Variants in NSMCE2 observed in about 807,000 individuals in gnomAD.
NSMCE2 encodes the protein NSE2 SUMO ligase component of SMC5/6 complex.
Under a neutral mutation model 23.8 loss-of-function variants are expected in NSMCE2, and 24 were observed. The ratio of observed to expected loss-of-function variants is 1.01; its 90% CI spans 0.73 to 1.42. The LOEUF is 1.42. NSMCE2 is among the 40% of genes most tolerant of loss of function. The pLI is 0.00. For missense variants in NSMCE2, 284 were observed against 296.5 expected (o/e 0.96, Z 0.31); for synonymous variants, 92 against 94.1 (o/e 0.98, Z 0.13).
chr8:125,142,605 T>C (rs1820434657), intron 3 of NSMCE2, among the ~76,000 whole-genome samples: 1 of 151,784 alleles, frequency 6.6e-6, no homozygotes, highest in Non-Finnish European at 1.5e-5. Flanking sequence ...AAAATGTGTA[T>C]TCAGTTTTTT....
chr8:125,176,578 A>G (rs1252557178), intron 4 of NSMCE2, among the ~76,000 whole-genome samples: 1 of 152,178 alleles, frequency 6.6e-6, no homozygotes, highest in Non-Finnish European at 1.5e-5. Context: ...TTGATGAGCT[A>G]TAGACCTGTG....
At position 125,292,553 on chromosome 8, in the gene NSMCE2, C is replaced by CA. The variant is rs374883759; in HGVS notation, c.419-64655dup. ...TGGGCAACAGAGCAAGACTCCATCTCAAAAAAAAAAAGAACCTATGGGAAA... is the reference window on the plus strand; with the variant it reads ...TGGGCAACAGAGCAAGACTCCATCTCAAAAAAAAAAAAGAACCTATGGGAAA... On this transcript the variant is annotated intron_variant, in intron 5 of 7. Coordinates refer to ENST00000287437, the MANE Select transcript of NSMCE2 (RefSeq NM_173685.4). Among the ~76,000 whole-genome samples the CA allele has an allele frequency of 3.0e-3, 401 of 135,520 alleles. 1 individual carries two copies. The highest frequency in any genetic ancestry group is 8.0e-3 in the African/African-American group (294 of 36,752). 88.9% of individuals were successfully genotyped at this position (135,520 alleles called of 152,430 possible).
At chr8:125,165,294 G>T (rs1821819461) in intron 4 of NSMCE2, among the ~76,000 whole-genome samples, 1 of 152,160 alleles carries the variant, frequency 6.6e-6, no homozygotes, top group Non-Finnish European at 1.5e-5. Flanking sequence ...AATATTAATT[G>T]CCTCTTTTCA....
intron 5 of NSMCE2, among the ~76,000 whole-genome samples, chr8:125,271,968 A>G (rs1827214013): frequency 6.7e-6 from 1 of 149,842 alleles, no homozygotes; most frequent in Non-Finnish European, 1.5e-5. Context: ...GGCCAAGGCT[A>G]TTTAGCCTTA....
intron 5 of NSMCE2, among the ~76,000 whole-genome samples, chr8:125,233,744 T>C (rs1825425202): frequency 6.6e-6 from 1 of 152,128 alleles, no homozygotes; most frequent in Admixed American, 6.5e-5. Context: ...CCAAATATAT[T>C]GTAATCACAG....
intron 4 of NSMCE2, among the ~76,000 whole-genome samples, chr8:125,152,251 C>T (rs1821076395): frequency 6.6e-6 from 1 of 152,008 alleles, no homozygotes; most frequent in Non-Finnish European, 1.5e-5. Context: ...ACTGTTAGTC[C>T]TGGTCTTATG....
intron 4 of NSMCE2, 21 bp downstream of exon 4, chr8:125,151,298 G>A: frequency 8.1e-7 from 1 of 1,237,502 alleles, no homozygotes. Context: ...ACCACTCCCT[G>A]GTTATATATT....
At chr8:125,212,384 C>G (rs1299999935) in intron 5 of NSMCE2, among the ~76,000 whole-genome samples, 2 of 152,046 alleles carry the variant, frequency 1.3e-5, no homozygotes, top group East Asian at 1.9e-4. Flanking sequence ...AGCTCAGGGA[C>G]TTGGTTGAGT....
At chr8:125,207,451 T>C (rs1824159514) in intron 5 of NSMCE2, among the ~76,000 whole-genome samples, 1 of 152,216 alleles carries the variant, frequency 6.6e-6, no homozygotes, top group African/African-American at 2.4e-5. Flanking sequence ...AATCATAATT[T>C]GATTTTTAAG....
At chr8:125,202,272 T>G (rs1823918078) in intron 5 of NSMCE2, among the ~76,000 whole-genome samples, 3 of 152,222 alleles carry the variant, frequency 2.0e-5, no homozygotes, top group Admixed American at 1.3e-4. Flanking sequence ...CAATTGGAAA[T>G]GCCAAAATCA....
intron 5 of NSMCE2, among the ~76,000 whole-genome samples, chr8:125,314,401 T>G (rs1829094673): frequency 6.6e-6 from 1 of 152,182 alleles, no homozygotes; most frequent in African/African-American, 2.4e-5. Context: ...GCGATTCTCC[T>G]GCCTCAGCCT....
intron 5 of NSMCE2, among the ~76,000 whole-genome samples, chr8:125,350,108 A>G (rs1812970582): frequency 6.6e-6 from 1 of 152,316 alleles, no homozygotes; most frequent in South Asian, 2.1e-4. Flanking sequence ...ACTCTGGGAA[A>G]CATCCGTGAG....
At chr8:125,139,363 G>A (rs1194543260) in intron 3 of NSMCE2, among the ~76,000 whole-genome samples, 1 of 152,170 alleles carries the variant, frequency 6.6e-6, no homozygotes, top group African/African-American at 2.4e-5. Flanking sequence ...TCTTTGTTTA[G>A]CATCACTCTT....
intron 5 of NSMCE2, among the ~76,000 whole-genome samples, chr8:125,302,276 A>G (rs902203146): frequency 2.0e-5 from 3 of 152,158 alleles, no homozygotes; most frequent in African/African-American, 7.2e-5. Context: ...TTTTTAACAC[A>G]TATTTATTGG....
chr8:125,136,880 AG>A (rs1396264648), intron 3 of NSMCE2, among the ~76,000 whole-genome samples: 1 of 152,184 alleles, frequency 6.6e-6, no homozygotes, highest in Non-Finnish European at 1.5e-5. Context: ...AATATAAGTA[AG>A]GAAAAAATAA....
intron 5 of NSMCE2, among the ~76,000 whole-genome samples, chr8:125,283,369 G>A (rs1310793704): frequency 6.6e-6 from 1 of 152,054 alleles, no homozygotes; most frequent in Admixed American, 6.6e-5. Flanking sequence ...TCAACATGAC[G>A]AAACCCCGCA....
At chr8:125,239,805 A>G (rs1310380241) in intron 5 of NSMCE2, among the ~76,000 whole-genome samples, 1 of 152,222 alleles carries the variant, frequency 6.6e-6, no homozygotes, top group Non-Finnish European at 1.5e-5. Flanking sequence ...CATACATTTT[A>G]CCAAAGTGCA....
chr8:125,242,415 C>T (rs1825798157), intron 5 of NSMCE2, among the ~76,000 whole-genome samples: 2 of 152,058 alleles, frequency 1.3e-5, no homozygotes, highest in Non-Finnish European at 1.5e-5. Flanking sequence ...TCACCACCAC[C>T]TCCACCATCC....
intron 3 of NSMCE2, among the ~76,000 whole-genome samples, chr8:125,140,149 C>G (rs1290597903): frequency 6.6e-6 from 1 of 152,162 alleles, no homozygotes; most frequent in Non-Finnish European, 1.5e-5. Flanking sequence ...TGCTTGATTA[C>G]TTTTTTAGTC....
Sources: gnomAD v4.1 joint callset for allele counts (sites outside exome capture counted in the v4.1 genomes callset) on GRCh38, gnomAD v4.1.1 for gene constraint, MANE v1.5 for transcripts, NCBI Gene and HGNC (gene_info 2026-07-23, HGNC 2026-07-21) for gene names.